Variants in ZFAT observed in about 807,000 individuals in gnomAD.
ZFAT encodes the protein zinc finger protein ZFAT.
ZFAT carries 64 observed loss-of-function variants against 117.7 expected under a neutral mutation model. That is an observed-to-expected ratio of 0.54 (90% CI 0.44 to 0.67). The LOEUF (loss-of-function observed/expected upper bound fraction) is 0.67. Ranked by LOEUF, ZFAT falls within the 30% of genes least tolerant of loss-of-function variation. ZFAT has a pLI of 0.00. For synonymous variants in ZFAT, 679 were observed against 615.0 expected, an observed-to-expected ratio of 1.10 and a Z score of -1.54; for missense variants, 1,433 against 1,584.5, an observed-to-expected ratio of 0.90 and a Z score of 1.62.
At chr8:134,730,131 G>T in the ZFAT span, among the ~76,000 whole-genome samples, 1 of 152,154 alleles carries the variant, frequency 6.6e-6, no homozygotes, top group East Asian at 1.9e-4. Context: ...GAGAAGTCTG[G>T]CCCGGGAATT....
At chr8:134,558,298 G>A (rs565904923) in intron 11 of ZFAT, among the ~76,000 whole-genome samples, 1 of 152,268 alleles carries the variant, frequency 6.6e-6, no homozygotes, top group Admixed American at 6.5e-5. Flanking sequence ...CAGGGCTGAT[G>A]GGCCAAGCCT....
intron 15 of ZFAT, among the ~76,000 whole-genome samples, chr8:134,505,801 G>A (rs1819364262): frequency 6.6e-6 from 1 of 152,190 alleles, no homozygotes; most frequent in African/African-American, 2.4e-5. Flanking sequence ...AAGCACTGCA[G>A]ACTTCTGACC....
At chr8:134,575,634 T>G (rs975979471) in intron 10 of ZFAT, among the ~76,000 whole-genome samples, 7 of 152,188 alleles carry the variant, frequency 4.6e-5, no homozygotes, top group Non-Finnish European at 1.0e-4. Flanking sequence ...ATGTTACAAA[T>G]GGGGATCACT....
chr8:134,585,354 G>A (rs921421412), intron 9 of ZFAT, among the ~76,000 whole-genome samples: 7 of 152,128 alleles, frequency 4.6e-5, no homozygotes, highest in Admixed American at 1.3e-4. Flanking sequence ...ATACAAAGAG[G>A]GAACATGGTG....
intron 14 of ZFAT, among the ~76,000 whole-genome samples, chr8:134,510,520 G>A (rs192289787): frequency 3.9e-5 from 6 of 152,308 alleles, no homozygotes; most frequent in Admixed American, 3.3e-4. Context: ...AGAGATCAGA[G>A]AAGGGGAACT....
In ZFAT at chr8:134,599,297, A is replaced by ATG. The variant is rs368740847; in HGVS notation, c.2475+1137_2475+1138dup. 2.0e-4 allele frequency: 31 copies of ATG among 158,404 alleles called. No individual in the cohort carries two copies. The East Asian group carries it at 4.7e-3, about 24-fold the overall frequency. 9.8% of individuals were successfully genotyped at this position (158,404 alleles called of 1,614,324 possible). ...CCAAGTTCTTTAGAGTACTGTACAT[A>ATG]TGTGTGTGTGTGTGCGCGCGCATGC... On this transcript the variant is annotated intron_variant, in intron 7 of 15. Transcript: ENST00000377838.
rs1386223183 is a variant in ZFAT at position 134,602,809 on chromosome 8, A to G, written c.910T>C (p.Cys304Arg). 6.2e-7 allele frequency: 1 copy of G among 1,614,070 alleles called. No homozygotes were observed. The highest frequency in any genetic ancestry group is 1.3e-5 in the African/African-American group (1 of 74,924). Residue 304 changes from cysteine to arginine, a missense_variant, in exon 6 of 16, where the codon TGC becomes CGC. This residue lies in a region of ZFAT where 436 missense variants were observed against 482.0 expected (regional missense o/e 0.90). Transcript: ENST00000377838. The part of the protein sequence containing the change: ...TNEKPYKCPQ[C>R]SYASAIKANL... ...GCCTTGATGGCACTGGCATAGCTGC[A>G]CTGGGGGCACTTGTATGGCTTTTCA...
the ZFAT span, among the ~76,000 whole-genome samples, chr8:134,790,117 G>A: frequency 6.6e-6 from 1 of 151,884 alleles, no homozygotes; most frequent in Admixed American, 6.6e-5. Context: ...TTTTTAAATG[G>A]GCCTCCGATG....
chr8:134,754,150 C>T, the ZFAT span, among the ~76,000 whole-genome samples: 1 of 152,200 alleles, frequency 6.6e-6, no homozygotes, highest in Non-Finnish European at 1.5e-5. Context: ...ATGAACTACA[C>T]GCTCCAGGCC....
chr8:134,593,052 C>T (rs2130886584), intron 7 of ZFAT, among the ~76,000 whole-genome samples: 1 of 152,306 alleles, frequency 6.6e-6, no homozygotes, highest in South Asian at 2.1e-4. Flanking sequence ...GCACTCCTGT[C>T]ACTGTCCTCC....
intron 3 of ZFAT, among the ~76,000 whole-genome samples, chr8:134,631,419 G>A (rs181967657): frequency 6.6e-6 from 1 of 152,300 alleles, no homozygotes; most frequent in Admixed American, 6.5e-5. Flanking sequence ...ACTGGTAACG[G>A]GGCAGGAGTC....
intron 11 of ZFAT, among the ~76,000 whole-genome samples, chr8:134,543,696 GGCTAT>G (rs1822457573): frequency 6.6e-6 from 1 of 152,058 alleles, no homozygotes; most frequent in Non-Finnish European, 1.5e-5. Flanking sequence ...AGTGAGAAGG[GGCTAT>G]GGTCATCTAG....
chr8:134,801,675 ACATT>A, the ZFAT span, among the ~76,000 whole-genome samples: 1 of 152,178 alleles, frequency 6.6e-6, no homozygotes, highest in African/African-American at 2.4e-5. Flanking sequence ...CTCTGAAAAC[ACATT>A]CAAATAGGCC....
rs551429057 is a variant in ZFAT, at chr8:134,706,636, G to A, written c.19+6209C>T. ...GAACCTGGGAGGAGGAGGTTGCAGT[G>A]AGCCGAGATCGTGCCATTGCCCTCC... On this transcript the variant is annotated intron_variant, in intron 1 of 15. Transcript: ENST00000377838. 2.0e-5 allele frequency among the ~76,000 whole-genome samples: 3 copies of A among 152,252 alleles called. No homozygotes were observed. In the East Asian group the frequency reaches 5.8e-4, roughly 29 times the overall value.
intron 3 of ZFAT, among the ~76,000 whole-genome samples, chr8:134,624,389 T>A (rs548033607): frequency 5.3e-5 from 8 of 152,174 alleles, no homozygotes; most frequent in Non-Finnish European, 1.5e-5. Flanking sequence ...GGCATGGTGG[T>A]TCACACCTGT....
the ZFAT span, among the ~76,000 whole-genome samples, chr8:134,817,359 A>G: frequency 1.3e-5 from 2 of 149,644 alleles, no homozygotes; most frequent in African/African-American, 4.9e-5. Context: ...TCACGAGCCA[A>G]TTTCTTAAAA....
chr8:134,821,102 A>G, the ZFAT span, among the ~76,000 whole-genome samples: 1 of 152,204 alleles, frequency 6.6e-6, no homozygotes, highest in African/African-American at 2.4e-5. Context: ...GATTAAATAG[A>G]TGTGAAAACA....
the ZFAT span, among the ~76,000 whole-genome samples, chr8:134,745,024 G>C: frequency 5.4e-5 from 8 of 149,440 alleles, no homozygotes; most frequent in Non-Finnish European, 1.2e-4. Context: ...CACCGCGCCC[G>C]GCCAGGAAGG....
Position 134,478,538 on chromosome 8 carries a change from C to T in ZFAT, c.3676G>A (p.Glu1226Lys). The T allele has an allele frequency of 6.3e-7, 1 of 1,592,056 alleles. No individual in the cohort carries two copies. Among genetic ancestry groups the T allele is most frequent in the Non-Finnish European group, 8.5e-7 (1 of 1,169,994 alleles). Residue 1226 changes from glutamate to lysine, a missense_variant, in exon 16 of 16, where the codon GAG (glutamate) becomes AAG (lysine). Physicochemically the swap from Glu to Lys is moderately conservative, Grantham distance 56 (BLOSUM62 1). Around this residue, in one of 5 missense-constraint regions of ZFAT, gnomAD observed 503 missense variants for 543.4 expected, o/e 0.93. Coordinates refer to ENST00000377838, the MANE Select transcript of ZFAT (RefSeq NM_020863.4). This position sits in a 1 kb window ranked among gnomAD's most constrained non-coding sequence, Gnocchi z 5.2. ...TGCTCCTCCACAGGCTGCATGGCCT[C>T]CTGCACGTAGACGATGAACTCCGAG... ...EASEFIVYVQ[E>K]AMQPVEEQAV...
Sources: allele counts gnomAD v4.1 joint callset (sites outside exome capture counted in the v4.1 genomes callset), GRCh38; gene constraint gnomAD v4.1.1; regional missense constraint gnomAD v4.1.1; non-coding constraint Gnocchi (gnomAD v3.1); transcripts MANE v1.5; gene names NCBI Gene and HGNC (gene_info 2026-07-23, HGNC 2026-07-21).